Variants in PDE1B observed in about 807,000 individuals in gnomAD.
PDE1B encodes dual specificity calcium/calmodulin-dependent 3',5'-cyclic nucleotide phosphodiesterase 1B.
PDE1B carries 13 observed loss-of-function variants against 66.7 expected under a neutral mutation model. The ratio of observed to expected loss-of-function variants is 0.19; its 90% CI spans 0.13 to 0.31. PDE1B has a LOEUF of 0.31. PDE1B is among the 10% of genes least tolerant of loss of function. PDE1B has a pLI of 1.00. For missense variants in PDE1B, 485 were observed against 682.3 expected (o/e 0.71, Z 3.22); for synonymous variants, 230 against 253.9 (o/e 0.91, Z 0.90).
chr12:54,569,443 C>T lies in PDE1B; in HGVS notation c.410+77C>T. ...TCCCAGCCACCCTGGTCTTCCATGA[C>T]CACCAGCCATATGATCCCATGGCTC... On this transcript the variant is annotated intron_variant, in intron 4 of 15. Coordinates refer to ENST00000243052, the MANE Select transcript of PDE1B (RefSeq NM_000924.4). This position sits in a 1 kb window ranked among gnomAD's most constrained non-coding sequence, Gnocchi z 4.4. The T allele has an allele frequency of 3.8e-6, 6 of 1,589,410 alleles. No individual in the cohort carries two copies. The highest frequency in any genetic ancestry group is 5.2e-6 in the Non-Finnish European group (6 of 1,162,282).
chr12:54,566,442 C>T lies in PDE1B; in HGVS notation c.114-532C>T, dbSNP rs147835311. Among the ~76,000 whole-genome samples the T allele has an allele frequency of 5.9e-5, 9 of 152,300 alleles. No individual in the cohort carries two copies. The South Asian group carries it at 1.5e-3, about 25-fold the overall frequency. ...ATTTGTCTTTGTTCTGTGCTTTTGCCATGCCTGCCAGGCACAGAGGGGCTG... is the reference window on the plus strand; with the variant it reads ...ATTTGTCTTTGTTCTGTGCTTTTGCTATGCCTGCCAGGCACAGAGGGGCTG... On this transcript the variant is annotated intron_variant, in intron 2 of 15. Coordinates refer to ENST00000243052, the MANE Select transcript of PDE1B (RefSeq NM_000924.4).
At position 54,549,699 on chromosome 12, in the gene PDE1B, C is replaced by T. The variant is rs1957245525; in HGVS notation, c.-87C>T. Reference sequence around the variant, plus strand: ...CGGCTGGGCAGCGGGAGAGGAGGAGCCGCAGGAGCTGCAGCTCTGCCAGCT... The same window carrying T: ...CGGCTGGGCAGCGGGAGAGGAGGAGTCGCAGGAGCTGCAGCTCTGCCAGCT... On this transcript the variant is annotated 5_prime_UTR_variant, in exon 1 of 16. Coordinates refer to ENST00000243052, the MANE Select transcript of PDE1B (RefSeq NM_000924.4). 2.0e-6 allele frequency: 1 copy of T among 495,108 alleles called. No individual in the cohort carries two copies. The highest frequency in any genetic ancestry group is 3.6e-6 in the Non-Finnish European group (1 of 279,564). 30.7% of individuals were successfully genotyped at this position (495,108 alleles called of 1,614,324 possible). A position where few individuals can be genotyped will look rare whatever the true frequency, so the allele number is the denominator to read the frequency against.
At chr12:54,557,793 G>T (rs1239006050) in intron 2 of PDE1B, among the ~76,000 whole-genome samples, 1 of 152,192 alleles carries the variant, frequency 6.6e-6, no homozygotes, top group Non-Finnish European at 1.5e-5. Flanking sequence ...TGTGGAGGTG[G>T]TTAATGAGCA....
chr12:54,573,801 C>T lies in PDE1B; in HGVS notation c.1064+92C>T. On this transcript the variant is annotated intron_variant, in intron 10 of 15. Coordinates refer to ENST00000243052, the MANE Select transcript of PDE1B (RefSeq NM_000924.4). The surrounding 1 kb of genome is among the most constrained non-coding windows in gnomAD (Gnocchi z 5.2). ...CACAAGGGTAGTTGGTGTGCCAGGT[C>T]TTTACCTCGCTGTAGAGACTCCACT... 1 of 862,066 alleles carries T rather than the reference C, an allele frequency of 1.2e-6. No homozygotes were observed. Among genetic ancestry groups the T allele is most frequent in the South Asian group, 1.3e-5 (1 of 74,686 alleles). The allele number at this position is 862,066 out of a possible 1,614,324, so 53.4% of individuals were successfully genotyped here.
Position 54,573,541 on chromosome 12 carries a change from C to G in PDE1B, c.962+61C>G. The G allele has an allele frequency of 6.2e-7, 1 of 1,612,628 alleles. No homozygotes were observed. The highest frequency in any genetic ancestry group is 8.5e-7 in the Non-Finnish European group (1 of 1,178,644). ...CTCCCTTACCACAAACTCCATTTTCCACTTCCTGGACCTCCTGCCCAGCAG... is the reference window on the plus strand; with the variant it reads ...CTCCCTTACCACAAACTCCATTTTCGACTTCCTGGACCTCCTGCCCAGCAG... On this transcript the variant is annotated intron_variant, in intron 9 of 15. Coordinates refer to ENST00000243052, the MANE Select transcript of PDE1B (RefSeq NM_000924.4). This position sits in a 1 kb window ranked among gnomAD's most constrained non-coding sequence, Gnocchi z 5.2.
chr12:54,576,801 C>G, intron 14 of PDE1B, 100 bp downstream of exon 14: 8 of 1,299,916 alleles, frequency 6.2e-6, no homozygotes, highest in Non-Finnish European at 8.6e-6. Flanking sequence ...AACCCTTTGC[C>G]GGACTCCTTG....
chr12:54,570,085 CCATACTGAGAG>C (rs978200020), intron 5 of PDE1B, among the ~76,000 whole-genome samples, 145 bp from the exon 6 acceptor site: 11 of 152,102 alleles, frequency 7.2e-5, no homozygotes, highest in African/African-American at 2.7e-4. Flanking sequence ...CCTGTCTCTC[CCATACTGAGAG>C]ATATATGGGA....
intron 2 of PDE1B, among the ~76,000 whole-genome samples, chr12:54,551,653 C>T (rs1479800158): frequency 6.6e-6 from 1 of 152,084 alleles, no homozygotes; most frequent in South Asian, 2.1e-4. Context: ...CAGGGCCCTG[C>T]GAAAGAGTGG....
chr12:54,560,452 T>C (rs1001270731), intron 2 of PDE1B, among the ~76,000 whole-genome samples: 4 of 152,182 alleles, frequency 2.6e-5, no homozygotes, highest in Non-Finnish European at 5.9e-5. Flanking sequence ...ATCTAAGAGA[T>C]TGCAGATCCC....
intron 2 of PDE1B, among the ~76,000 whole-genome samples, chr12:54,554,580 C>T (rs1450006518): frequency 6.6e-6 from 1 of 152,090 alleles, no homozygotes; most frequent in Non-Finnish European, 1.5e-5. Flanking sequence ...AAAATTCCTG[C>T]CTTAAGTTGA....
chr12:54,570,975 C>A (rs533183795), intron 6 of PDE1B: 1 of 152,590 alleles, frequency 6.6e-6, no homozygotes, highest in East Asian at 1.9e-4. Context: ...AAACAAAACA[C>A]TTTCACATGG....
At position 54,575,041 on chromosome 12, in the gene PDE1B, C is replaced by T; in HGVS notation, c.1065-57C>T. The T allele has an allele frequency of 6.4e-7, 1 of 1,561,556 alleles. No individual in the cohort carries two copies. The highest frequency in any genetic ancestry group is 8.8e-7 in the Non-Finnish European group (1 of 1,138,460). The stretch of plus-strand genomic sequence containing the variant: ...GTGCGTGGGAAGTTAGGGAATGGTC[C>T]TAACTTCCTTTTCCTAAAAGATCAG... On this transcript the variant is annotated intron_variant, in intron 10 of 15. Transcript: ENST00000243052. The surrounding 1 kb of genome is among the most constrained non-coding windows in gnomAD (Gnocchi z 4.0).
intron 2 of PDE1B, among the ~76,000 whole-genome samples, chr12:54,556,141 C>T (rs1005061921): frequency 1.7e-4 from 26 of 152,098 alleles, no homozygotes; most frequent in South Asian, 4.1e-4. Flanking sequence ...TTCTCAGGTA[C>T]GGAAGTTGAG....
chr12:54,575,379 C>T lies in PDE1B; in HGVS notation c.1185+161C>T. The T allele has an allele frequency of 2.6e-6, 2 of 777,858 alleles. No homozygotes were observed. The highest frequency in any genetic ancestry group is 4.5e-6 in the Non-Finnish European group (2 of 448,350). The allele number at this position is 777,858 out of a possible 1,614,324, so 48.2% of individuals were successfully genotyped here. A position where few individuals can be genotyped will look rare whatever the true frequency, so the allele number is the denominator to read the frequency against. On this transcript the variant is annotated intron_variant, in intron 11 of 15. Coordinates refer to ENST00000243052, the MANE Select transcript of PDE1B (RefSeq NM_000924.4). The surrounding 1 kb of genome is among the most constrained non-coding windows in gnomAD (Gnocchi z 4.0). ...AAACCCCATTATCCTAAAAGCCTAA[C>T]AATAGTTGCATTTCATTTGCATATA...
At chr12:54,553,177 C>T (rs1957301512) in intron 2 of PDE1B, among the ~76,000 whole-genome samples, 1 of 148,864 alleles carries the variant, frequency 6.7e-6, no homozygotes, top group Non-Finnish European at 1.5e-5. Context: ...TACACCCACC[C>T]AAGTGATGAA....
rs1153139 is a variant in PDE1B at position 54,577,042 on chromosome 12, G to A, written c.1508-183G>A. On this transcript the variant is annotated intron_variant, in intron 14 of 15. Coordinates refer to ENST00000243052, the MANE Select transcript of PDE1B (RefSeq NM_000924.4). ...CTGTGTGAGGGGGTGGTAGGGTGGT[G>A]TTGAGGGTTCTGAGTTTTAGCAAGG... 3,877 of 633,664 alleles carry A rather than the reference G, an allele frequency of 6.1e-3. 122 individuals are homozygous for A. In the African/African-American group the frequency reaches 0.063, roughly 10 times the overall value. The allele number at this position is 633,664 out of a possible 1,614,324, so 39.3% of individuals were successfully genotyped here.
Position 54,577,360 on chromosome 12 carries a change from G to C in PDE1B, c.*17+15G>C. 6.2e-7 allele frequency: 1 copy of C among 1,613,294 alleles called. No individual in the cohort carries two copies. Among genetic ancestry groups the C allele is most frequent in the Admixed American group, 1.7e-5 (1 of 59,942 alleles). ...GGCTGGCCCAGGTGAGCCTGTTGTG[G>C]TGGAGGGTGTAGGAGAGCTGGTGTC... On this transcript the variant is annotated intron_variant, in intron 15 of 15. Transcript: ENST00000243052.
At chr12:54,561,859 C>T (rs182677106) in intron 2 of PDE1B, among the ~76,000 whole-genome samples, 1 of 152,142 alleles carries the variant, frequency 6.6e-6, no homozygotes, top group Non-Finnish European at 1.5e-5. Flanking sequence ...CCCCCCCCAC[C>T]TTTGTAAAAA....
rs1486005710 is a variant in PDE1B at position 54,575,783 on chromosome 12, G to A, written c.1267+151G>A. 3 of 732,864 alleles carry A rather than the reference G, an allele frequency of 4.1e-6. No individual in the cohort carries two copies. The highest frequency in any genetic ancestry group is 5.1e-5 in the East Asian group (2 of 39,236). 45.4% of individuals were successfully genotyped at this position (732,864 alleles called of 1,614,324 possible). A position where few individuals can be genotyped will look rare whatever the true frequency, so the allele number is the denominator to read the frequency against. Reference sequence around the variant, plus strand: ...AGAGCATGGGGTCCTGGGTTAGGAGGCCAGGGGGCTGCAATGGCAGGAAGG... The same window carrying A: ...AGAGCATGGGGTCCTGGGTTAGGAGACCAGGGGGCTGCAATGGCAGGAAGG... On this transcript the variant is annotated intron_variant, in intron 12 of 15. Coordinates refer to ENST00000243052, the MANE Select transcript of PDE1B (RefSeq NM_000924.4). This position sits in a 1 kb window ranked among gnomAD's most constrained non-coding sequence, Gnocchi z 4.0.
Sources: allele counts gnomAD v4.1 joint callset (sites outside exome capture counted in the v4.1 genomes callset), GRCh38; gene constraint gnomAD v4.1.1; non-coding constraint Gnocchi (gnomAD v3.1); transcripts MANE v1.5; gene names NCBI Gene and HGNC (gene_info 2026-07-23, HGNC 2026-07-21).